ADAMTSL1: variants seen among roughly 807,000 people sequenced by gnomAD.
ADAMTSL1 encodes the protein ADAMTS-like protein 1.
In ADAMTSL1, 126 loss-of-function variants were observed where a neutral mutation model predicts 201.8. That is an observed-to-expected ratio of 0.62 (90% CI 0.54 to 0.72). ADAMTSL1 has a LOEUF of 0.72. ADAMTSL1 is among the 30% of genes least tolerant of loss of function. ADAMTSL1 has a pLI of 0.00. For synonymous variants in ADAMTSL1, 1,121 were observed against 903.4 expected, an observed-to-expected ratio of 1.24 and a Z score of -4.32; for missense variants, 2,679 against 2,277.8, an observed-to-expected ratio of 1.18 and a Z score of -3.59.
Position 18,777,089 on chromosome 9 carries a change from G to T in ADAMTSL1, c.2860G>T (p.Glu954Ter). The change falls in exon 19 of 29, where the codon GAG becomes TAG. Residue 954 changes from glutamate (E) to a stop codon, truncating the protein, a stop_gained. Coordinates refer to ENST00000380548, the MANE Select transcript of ADAMTSL1 (RefSeq NM_001040272.6). LOFTEE classifies it high-confidence loss of function. Reference protein sequence around the residue: ...VYTCSAGPAREHFVIKLIGGN... With the variant: ...VYTCSAGPAR ...CACCTGCTCAGCGGGCCCGGCCCGG[G>T]AGCACTTTGTGATTAAGCTCATCGG... The T allele has an allele frequency of 6.2e-7, 1 of 1,613,284 alleles. No homozygotes were observed. Among genetic ancestry groups the T allele is most frequent in the Non-Finnish European group, 8.5e-7 (1 of 1,179,824 alleles).
chr9:18,826,509 T>G, intron 22 of ADAMTSL1, 46 bp downstream of exon 22: 1 of 1,573,772 alleles, frequency 6.4e-7, no homozygotes, highest in Non-Finnish European at 8.6e-7. Flanking sequence ...CTGTTGGGAG[T>G]GACTATCTAA....
intron 16 of ADAMTSL1, among the ~76,000 whole-genome samples, chr9:18,756,382 A>G (rs1819775344): frequency 6.6e-6 from 1 of 151,858 alleles, no homozygotes; most frequent in South Asian, 2.1e-4. Context: ...ACTGGAATCC[A>G]ACTTCTTTGG....
intron 28 of ADAMTSL1, 111 bp downstream of exon 28, chr9:18,907,023 G>T (rs895869494): frequency 2.4e-6 from 3 of 1,267,414 alleles, no homozygotes; most frequent in African/African-American, 3.0e-5. Flanking sequence ...GCTTCCCCAG[G>T]GATTGTGAGC....
Position 18,372,748 on chromosome 9 carries a change from G to T in ADAMTSL1, c.208-132081G>T, listed in dbSNP as rs548791689. ...ATCGTAGAGATAATACAGTAATGAA[G>T]GCTTTGGTTACATGTGGGGCTCTCT... On this transcript the variant is annotated intron_variant, in intron 2 of 29. Coordinates refer to the ADAMTSL1 transcript ENST00000680146. Among the ~76,000 whole-genome samples the T allele has an allele frequency of 3.3e-5, 5 of 152,296 alleles. No individual in the cohort carries two copies. In the South Asian group the frequency reaches 1.0e-3, roughly 32 times the overall value.
intron 23 of ADAMTSL1, among the ~76,000 whole-genome samples, chr9:18,857,160 T>C (rs1395693453): frequency 6.6e-6 from 1 of 152,224 alleles, no homozygotes; most frequent in Non-Finnish European, 1.5e-5. Flanking sequence ...TGAAATAACT[T>C]CAATTTTACA....
At chr9:18,846,396 G>T (rs751842700) in intron 23 of ADAMTSL1, among the ~76,000 whole-genome samples, 2 of 152,154 alleles carry the variant, frequency 1.3e-5, no homozygotes, top group Admixed American at 1.3e-4. Context: ...GAGAGGGGAC[G>T]AGCGCTTCAG....
At chr9:18,399,399 G>C (rs1817894727) in intron 2 of ADAMTSL1, among the ~76,000 whole-genome samples, 1 of 147,482 alleles carries the variant, frequency 6.8e-6, no homozygotes, top group Admixed American at 6.8e-5. Context: ...GAGTGCAGTA[G>C]CATGATCTCG....
At chr9:18,293,358 T>C (rs1833346763) in intron 2 of ADAMTSL1, among the ~76,000 whole-genome samples, 1 of 152,258 alleles carries the variant, frequency 6.6e-6, no homozygotes, top group Non-Finnish European at 1.5e-5. Context: ...CAGCTACATT[T>C]GGTCCATGTA....
chr9:18,583,795 G>T (rs769126416), intron 4 of ADAMTSL1, among the ~76,000 whole-genome samples: 2 of 152,200 alleles, frequency 1.3e-5, no homozygotes, highest in African/African-American at 2.4e-5. Flanking sequence ...TCACTTTGGG[G>T]CTTTAAGATT....
intron 15 of ADAMTSL1, among the ~76,000 whole-genome samples, chr9:18,739,314 C>T (rs1338280880): frequency 6.6e-6 from 1 of 152,168 alleles, no homozygotes; most frequent in Non-Finnish European, 1.5e-5. Context: ...ATTCAAAGTT[C>T]TGGGGCAGTC....
chr9:18,483,479 C>G (rs16936779), intron 1 of ADAMTSL1, among the ~76,000 whole-genome samples: 39,538 of 152,024 alleles, frequency 0.26, 5,853 homozygotes, highest in East Asian at 0.41. Flanking sequence ...TGAAATGTCA[C>G]ATGCGGAAGA....
At chr9:18,679,531 A>C (rs1040434453) in intron 10 of ADAMTSL1, among the ~76,000 whole-genome samples, 1 of 152,158 alleles carries the variant, frequency 6.6e-6, no homozygotes, top group Admixed American at 6.5e-5. Context: ...ATGTTTTGAC[A>C]ATATTGTTAT....
At position 18,589,924 on chromosome 9, in the gene ADAMTSL1, C is replaced by G. The variant is rs1823798595; in HGVS notation, c.474+15658C>G. 1.3e-5 allele frequency among the ~76,000 whole-genome samples: 2 copies of G among 152,124 alleles called. 1 individual carries two copies. The highest frequency in any genetic ancestry group is 4.1e-4 in the South Asian group (2 of 4,824). Reference sequence around the variant, plus strand: ...ATCCCTGGAATTATTCCCTCTTAATCATGGTGAATGGTCTTTTTAATGTAT... The same window carrying G: ...ATCCCTGGAATTATTCCCTCTTAATGATGGTGAATGGTCTTTTTAATGTAT... On this transcript the variant is annotated intron_variant, in intron 4 of 28. Coordinates refer to ENST00000380548, the MANE Select transcript of ADAMTSL1 (RefSeq NM_001040272.6).
intron 8 of ADAMTSL1, among the ~76,000 whole-genome samples, chr9:18,658,544 A>G (rs1188169658): frequency 6.6e-6 from 1 of 152,190 alleles, no homozygotes; most frequent in Non-Finnish European, 1.5e-5. Context: ...CCCATCATCC[A>G]TGCATTAAAA....
intron 2 of ADAMTSL1, among the ~76,000 whole-genome samples, chr9:18,303,274 C>T (rs1361273406): frequency 6.6e-6 from 1 of 152,172 alleles, no homozygotes; most frequent in Non-Finnish European, 1.5e-5. Flanking sequence ...TGTTGAATGT[C>T]CTGCCTCAAG....
chr9:18,780,788 T>C lies in ADAMTSL1; in HGVS notation c.3677+2882T>C, dbSNP rs1038071009. Among the ~76,000 whole-genome samples the C allele has an allele frequency of 2.6e-5, 4 of 152,200 alleles. No homozygotes were observed. In the East Asian group the frequency reaches 7.7e-4, roughly 29 times the overall value. On this transcript the variant is annotated intron_variant, in intron 19 of 28. Coordinates refer to ENST00000380548, the MANE Select transcript of ADAMTSL1 (RefSeq NM_001040272.6). ...TACTTAACAGCATGTCTATGAGATGTTTTCATAATAGTAGGTAGAGGTCTA... is the reference window on the plus strand; with the variant it reads ...TACTTAACAGCATGTCTATGAGATGCTTTCATAATAGTAGGTAGAGGTCTA...
At chr9:18,000,908 C>T (rs1255915378) in intron 1 of ADAMTSL1, among the ~76,000 whole-genome samples, 1 of 152,038 alleles carries the variant, frequency 6.6e-6, no homozygotes, top group East Asian at 1.9e-4. Flanking sequence ...TTTTTCAAAA[C>T]TTCAGTTCCA....
intron 1 of ADAMTSL1, among the ~76,000 whole-genome samples, chr9:18,475,554 A>G (rs781123919): frequency 6.6e-6 from 1 of 152,202 alleles, no homozygotes; most frequent in Non-Finnish European, 1.5e-5. Context: ...AATTTTTCAT[A>G]GAAATTTAAA....
At chr9:18,726,075 C>T (rs192436515) in intron 15 of ADAMTSL1, among the ~76,000 whole-genome samples, 2 of 152,296 alleles carry the variant, frequency 1.3e-5, no homozygotes, top group East Asian at 3.9e-4. Context: ...TCATAGTAGG[C>T]ACTCAAAAAA....
Sources: allele counts gnomAD v4.1 joint callset (sites outside exome capture counted in the v4.1 genomes callset), GRCh38; gene constraint gnomAD v4.1.1; transcripts MANE v1.5; gene names NCBI Gene and HGNC (gene_info 2026-07-23, HGNC 2026-07-21).